Variants in CLTC observed in about 807,000 individuals in gnomAD.
CLTC encodes the protein clathrin heavy chain 1.
In CLTC, 16 loss-of-function variants were observed where a neutral mutation model predicts 195.8. That is an observed-to-expected ratio of 0.08 (90% confidence interval 0.06 to 0.12). The LOEUF (loss-of-function observed/expected upper bound fraction) is 0.12, where lower values mean the gene tolerates loss of function less well. CLTC is among the 10% of genes least tolerant of loss of function. The pLI is 1.00. For synonymous variants in CLTC, 667 were observed against 689.4 expected, an observed-to-expected ratio of 0.97 and a Z score of 0.51; for missense variants, 796 against 2,027.0, an observed-to-expected ratio of 0.39 and a Z score of 11.66.
At chr17:59,663,112 A>G (rs1466777502) in intron 8 of CLTC, among the ~76,000 whole-genome samples, 2 of 152,236 alleles carry the variant, frequency 1.3e-5, no homozygotes, top group African/African-American at 4.8e-5. Flanking sequence ...CGACTCTGAT[A>G]CAACTTTTTA....
At chr17:59,673,175 TA>T (rs1233816966) in intron 14 of CLTC, among the ~76,000 whole-genome samples, 30 of 152,122 alleles carry the variant, frequency 2.0e-4, no homozygotes, top group African/African-American at 6.8e-4. Context: ...TAGGCTTTGT[TA>T]TAATAGAGTA....
intron 9 of CLTC, 152 bp from the exon 10 acceptor site, chr17:59,664,635 A>T: frequency 1.6e-6 from 1 of 613,184 alleles, no homozygotes; most frequent in Non-Finnish European, 2.6e-6. Flanking sequence ...CAAATATGTC[A>T]TCACCAAGGT....
rs2143548995 is a variant in CLTC at position 59,664,008 on chromosome 17, AAC to A, written c.1521+18_1521+19del. ...TATGCTAAAAAAGTGAGTTCAATGA[AAC>A]ACATTCTCAGCATGAATTCATTGAA... On this transcript the variant is annotated intron_variant, in intron 9 of 31. Coordinates refer to ENST00000269122, the MANE Select transcript of CLTC (RefSeq NM_004859.4). The A allele has an allele frequency of 6.2e-7, 1 of 1,607,702 alleles. No individual in the cohort carries two copies. Among genetic ancestry groups the A allele is most frequent in the Non-Finnish European group, 8.5e-7 (1 of 1,176,116 alleles).
Position 59,677,065 on chromosome 17 carries a change from G to A in CLTC, c.2673G>A (p.Glu891=). The change falls in exon 17 of 32, where the codon GAG becomes GAA. Residue 891 remains glutamate, a synonymous_variant. Coordinates refer to ENST00000269122, the MANE Select transcript of CLTC (RefSeq NM_004859.4). Reference sequence around the variant, plus strand: ...ACATAGACAGTAATAACAACCCGGAGAGATTTCTTCGTGAAAATCCCTACT... The same window carrying A: ...ACATAGACAGTAATAACAACCCGGAAAGATTTCTTCGTGAAAATCCCTACT... ...KIYIDSNNNP[E]RFLRENPYYD... The A allele has an allele frequency of 1.2e-6, 2 of 1,614,044 alleles. No individual in the cohort carries two copies. The highest frequency in any genetic ancestry group is 1.7e-6 in the Non-Finnish European group (2 of 1,179,992).
chr17:59,694,378 T>C lies in CLTC; in HGVS notation c.*526T>C. 4.5e-6 allele frequency: 1 copy of C among 224,482 alleles called. No homozygotes were observed. Among genetic ancestry groups the C allele is most frequent in the Non-Finnish European group, 8.9e-6 (1 of 112,212 alleles). The allele number at this position is 224,482 out of a possible 1,614,324, so 13.9% of individuals were successfully genotyped here. On this transcript the variant is annotated 3_prime_UTR_variant, in exon 32 of 32. Transcript: ENST00000269122. ...ACATCGTACACTGGATTGCAGTGCT[T>C]CCCAGATTATTGAAAAATGTTACAG...
chr17:59,671,331 CAGT>C (rs963654191), intron 14 of CLTC, among the ~76,000 whole-genome samples: 11 of 152,182 alleles, frequency 7.2e-5, no homozygotes, highest in African/African-American at 2.6e-4. Context: ...TGTTAACCTC[CAGT>C]ACAGGGTTAT....
intron 1 of CLTC, among the ~76,000 whole-genome samples, chr17:59,622,125 C>G (rs1437594572): frequency 6.6e-6 from 1 of 152,166 alleles, no homozygotes; most frequent in Admixed American, 6.5e-5. Context: ...TGTTTTGTAA[C>G]TGGATCAAAG....
At chr17:59,656,666 AT>A (rs55669818) in intron 6 of CLTC, among the ~76,000 whole-genome samples, 54,480 of 96,096 alleles carry the variant, frequency 0.57, 16,134 homozygotes, top group South Asian at 0.84. Context: ...TATTATTTTA[AT>A]TTTTTTTTTT....
In CLTC at chr17:59,679,525, A is replaced by G; in HGVS notation, c.2919+6A>G. ...GGAGACCCCTAATTGACCAGGTAAC[A>G]TTGGCAAATGTGTTTATGGCTGTCA... On this transcript the variant is annotated splice_donor_region_variant and intron_variant, in intron 18 of 31. Transcript: ENST00000269122. 1 of 1,579,746 alleles carries G rather than the reference A, an allele frequency of 6.3e-7. No individual in the cohort carries two copies. Among genetic ancestry groups the G allele is most frequent in the Non-Finnish European group, 8.6e-7 (1 of 1,161,730 alleles).
intron 1 of CLTC, among the ~76,000 whole-genome samples, chr17:59,641,293 G>A (rs2032024856): frequency 6.6e-6 from 1 of 151,974 alleles, no homozygotes; most frequent in African/African-American, 2.4e-5. Flanking sequence ...GAGAGGAAAA[G>A]AAGGAATTAC....
chr17:59,673,428 A>G (rs892863921), intron 14 of CLTC, among the ~76,000 whole-genome samples: 1 of 152,178 alleles, frequency 6.6e-6, no homozygotes, highest in Non-Finnish European at 1.5e-5. Flanking sequence ...GTGTATGGGA[A>G]AGACTTGGTA....
At chr17:59,664,023 T>C in intron 9 of CLTC, 29 bp downstream of exon 9, 1 of 1,584,786 alleles carries the variant, frequency 6.3e-7, no homozygotes, top group Non-Finnish European at 8.6e-7. Context: ...ATTCTCAGCA[T>C]GAATTCATTG....
intron 31 of CLTC, among the ~76,000 whole-genome samples, chr17:59,692,418 A>G (rs1168248356): frequency 6.6e-6 from 1 of 152,236 alleles, no homozygotes; most frequent in Non-Finnish European, 1.5e-5. Context: ...TGTAGGAGAA[A>G]TCTTGATCTA....
At chr17:59,645,761 C>T (rs1328132250) in intron 2 of CLTC, among the ~76,000 whole-genome samples, 3 of 152,114 alleles carry the variant, frequency 2.0e-5, no homozygotes, top group African/African-American at 7.2e-5. Flanking sequence ...GATAGAAACT[C>T]ATCTCATCTC....
In CLTC at chr17:59,648,153, A is replaced by G. The variant is rs113143650; in HGVS notation, c.520-87A>G. On this transcript the variant is annotated intron_variant, in intron 3 of 31. Transcript: ENST00000269122. This position sits in a 1 kb window ranked among gnomAD's most constrained non-coding sequence, Gnocchi z 4.5. ...ATTATAAATCCTGCTAAAGATGACA[A>G]AGCATTCTAATTATTTCATTACTTG... The G allele has an allele frequency of 1.4e-3, 1,724 of 1,214,294 alleles. 20 individuals carry two copies. In the African/African-American group the frequency reaches 0.023, roughly 16 times the overall value. The allele number at this position is 1,214,294 out of a possible 1,614,324, so 75.2% of individuals were successfully genotyped here.
At chr17:59,661,782 G>A in intron 8 of CLTC, 139 bp downstream of exon 8, 2 of 736,056 alleles carry the variant, frequency 2.7e-6, no homozygotes, top group Non-Finnish European at 4.5e-6. Context: ...TGCATAAGAT[G>A]GATTCACTTA....
intron 4 of CLTC, among the ~76,000 whole-genome samples, chr17:59,650,688 G>C (rs2032308087): frequency 6.6e-6 from 1 of 151,938 alleles, no homozygotes; most frequent in Non-Finnish European, 1.5e-5. Context: ...AGACAGTACA[G>C]AACAGTCCCC....
Position 59,674,708 on chromosome 17 carries a change from C to G in CLTC, c.2426C>G (p.Pro809Arg), listed in dbSNP as rs752683241. Residue 809 changes from proline (P) to arginine (R), a missense_variant, in exon 16 of 32, where the codon CCA becomes CGA. Transcript: ENST00000269122. ...YIEIYVQKVN[P>R]SRLPVVIGGL... Reference sequence around the variant, plus strand: ...ACTTCTTTTTAACCACAGGTGAATCCAAGTCGACTTCCTGTAGTTATTGGA... The same window carrying G: ...ACTTCTTTTTAACCACAGGTGAATCGAAGTCGACTTCCTGTAGTTATTGGA... 3.1e-6 allele frequency: 5 copies of G among 1,610,618 alleles called. No homozygotes were observed. The Admixed American group carries it at 8.4e-5, about 27-fold the overall frequency.
intron 4 of CLTC, among the ~76,000 whole-genome samples, chr17:59,649,564 G>C (rs996516710): frequency 1.3e-5 from 2 of 152,146 alleles, no homozygotes; most frequent in Non-Finnish European, 2.9e-5. Flanking sequence ...TCAGGAAGAG[G>C]GTTTAGATTC....
Sources: gnomAD v4.1 joint callset for allele counts (sites outside exome capture counted in the v4.1 genomes callset) on GRCh38, gnomAD v4.1.1 for gene constraint, Gnocchi (gnomAD v3.1) non-coding constraint, MANE v1.5 for transcripts, NCBI Gene and HGNC (gene_info 2026-07-23, HGNC 2026-07-21) for gene names.